BPTF: variants seen among roughly 807,000 people sequenced by gnomAD.
The protein encoded by BPTF is nucleosome-remodeling factor subunit BPTF.
In BPTF, 18 loss-of-function variants were observed where a neutral mutation model predicts 292.5. The observed-to-expected ratio is 0.06, with a 90% CI of 0.04 to 0.09. BPTF has a LOEUF of 0.09. Ranked by LOEUF, BPTF falls within the 10% of genes least tolerant of loss-of-function variation. The pLI is 1.00. For synonymous variants in BPTF, 1,225 were observed against 1,251.9 expected (o/e 0.98, Z 0.45); for missense variants, 2,726 against 3,498.7 (o/e 0.78, Z 5.57).
At chr17:67,880,126 T>C (rs2060304117) in intron 4 of BPTF, among the ~76,000 whole-genome samples, 1 of 152,198 alleles carries the variant, frequency 6.6e-6, no homozygotes, top group Non-Finnish European at 1.5e-5. Flanking sequence ...TTTATATATA[T>C]AGGGTCTATA....
chr17:67,960,660 A>G (rs1365686285), intron 24 of BPTF, among the ~76,000 whole-genome samples: 2 of 152,244 alleles, frequency 1.3e-5, no homozygotes, highest in Non-Finnish European at 2.9e-5. Context: ...GTTAACCACC[A>G]TACTTTTTAC....
intron 21 of BPTF, among the ~76,000 whole-genome samples, chr17:67,947,429 A>G (rs1039134849): frequency 1.3e-5 from 2 of 152,168 alleles, no homozygotes; most frequent in Admixed American, 6.5e-5. Flanking sequence ...CTGTTTGTCA[A>G]ACAAGGTGGT....
rs2058914308 is a variant in BPTF, at chr17:67,859,083, AAATT to A, written c.1436+4325_1436+4328del. On this transcript the variant is annotated intron_variant, in intron 2 of 27. Coordinates refer to ENST00000306378, the MANE Select transcript of BPTF (RefSeq NM_182641.4). ...TGTCCTAAGCATTTTATGTATTTTA[AAATT>A]AATCCTCCCAACAGCCCAATAATGT... 5.9e-5 allele frequency among the ~76,000 whole-genome samples: 9 copies of A among 152,232 alleles called. No individual in the cohort carries two copies. The South Asian group carries it at 1.9e-3, about 32-fold the overall frequency.
intron 4 of BPTF, chr17:67,875,723 G>A (rs780593661): frequency 6.3e-7 from 1 of 1,599,996 alleles, no homozygotes; most frequent in African/African-American, 1.3e-5. Context: ...GGTGGCATCT[G>A]AGCTCCCCCA....
At chr17:67,896,429 G>A (rs909541328) in intron 7 of BPTF, among the ~76,000 whole-genome samples, 4 of 151,470 alleles carry the variant, frequency 2.6e-5, no homozygotes, top group Admixed American at 2.0e-4. Flanking sequence ...TACCTGTTGG[G>A]TACAGTGTTT....
At chr17:67,917,131 C>CTTTTCCTTTCTTTTTTTTTTTTTTT (rs1194058584) in intron 11 of BPTF, among the ~76,000 whole-genome samples, 2 of 105,808 alleles carry the variant, frequency 1.9e-5, no homozygotes, top group Admixed American at 1.1e-4. Flanking sequence ...TGGTATTGTC[C>CTTTTCCTTTCTTTTTTTTTTTTTTT]TTTTTTTTTT....
chr17:67,976,049 G>A, intron 27 of BPTF, 91 bp downstream of exon 27: 1 of 1,013,804 alleles, frequency 9.9e-7, no homozygotes. Flanking sequence ...GCAGTTTATG[G>A]TAAATTTAAC....
intron 9 of BPTF, 84 bp downstream of exon 9, chr17:67,904,924 G>T: frequency 1.7e-6 from 2 of 1,157,584 alleles, no homozygotes; most frequent in South Asian, 2.1e-5. Flanking sequence ...CTATATTTTA[G>T]ATAAAAACAT....
rs60751133 is a variant in BPTF at position 67,832,783 on chromosome 17, CTTTTTTTTTT to C, written c.613+6459_613+6468del. 1.6e-4 allele frequency among the ~76,000 whole-genome samples: 16 copies of C among 101,642 alleles called. No homozygotes were observed. The East Asian group carries it at 5.0e-3, about 32-fold the overall frequency. 66.7% of individuals were successfully genotyped at this position (101,642 alleles called of 152,430 possible). A position where few individuals can be genotyped will look rare whatever the true frequency, so the allele number is the denominator to read the frequency against. On this transcript the variant is annotated intron_variant, in intron 1 of 27. Transcript: ENST00000306378. Reference sequence around the variant, plus strand: ...ACTTTGATTCCCTGTTGATTCGCCTCTTTTTTTTTTTTTTTTTTTTTTGAGGCAGAGTCTC... The same window carrying C: ...ACTTTGATTCCCTGTTGATTCGCCTCTTTTTTTTTTTTGAGGCAGAGTCTC...
chr17:67,969,446 T>C (rs1166530723), intron 26 of BPTF, among the ~76,000 whole-genome samples: 1 of 87,684 alleles, frequency 1.1e-5, no homozygotes, highest in Admixed American at 1.4e-4. Flanking sequence ...AGAAAAACTC[T>C]GTCTCCAAAA....
intron 25 of BPTF, chr17:67,965,138 G>A (rs1394128644): frequency 2.0e-5 from 3 of 150,538 alleles, no homozygotes; most frequent in East Asian, 2.0e-4. Context: ...TCAGGAGTTC[G>A]AGACCAGACT....
intron 1 of BPTF, among the ~76,000 whole-genome samples, chr17:67,851,801 C>A (rs1193733008): frequency 6.6e-6 from 1 of 152,122 alleles, no homozygotes; most frequent in African/African-American, 2.4e-5. Context: ...TGTTTTGCAT[C>A]CTTCCCAACA....
chr17:67,946,733 T>G (rs2065839446), intron 21 of BPTF, among the ~76,000 whole-genome samples: 1 of 152,252 alleles, frequency 6.6e-6, no homozygotes, highest in Non-Finnish European at 1.5e-5. Flanking sequence ...CAGATTAAAC[T>G]CATTTGCATT....
intron 18 of BPTF, among the ~76,000 whole-genome samples, chr17:67,938,609 T>C (rs2065112665): frequency 6.6e-6 from 1 of 152,192 alleles, no homozygotes; most frequent in South Asian, 2.1e-4. Context: ...ACTGGAATAA[T>C]TGGCTTATAG....
intron 7 of BPTF, among the ~76,000 whole-genome samples, chr17:67,902,161 A>G (rs1306006450): frequency 6.6e-6 from 1 of 152,190 alleles, no homozygotes; most frequent in Non-Finnish European, 1.5e-5. Context: ...ATTTGGTGAT[A>G]AAAGGGACCT....
chr17:67,842,187 T>C lies in BPTF; in HGVS notation c.614-11753T>C, dbSNP rs543030392. The stretch of plus-strand genomic sequence containing the variant: ...GATATGTATCTACATATGCTTTCAG[T>C]GTATATCTATATGCATACATTGTAT... On this transcript the variant is annotated intron_variant, in intron 1 of 27. Coordinates refer to ENST00000306378, the MANE Select transcript of BPTF (RefSeq NM_182641.4). 3.7e-4 allele frequency among the ~76,000 whole-genome samples: 57 copies of C among 152,236 alleles called. 1 individual carries two copies. The East Asian group carries it at 0.01, about 27-fold the overall frequency.
intron 1 of BPTF, among the ~76,000 whole-genome samples, chr17:67,844,528 T>C (rs1311315283): frequency 6.6e-6 from 1 of 150,914 alleles, no homozygotes; most frequent in East Asian, 2.0e-4. Flanking sequence ...ATTACAGGCG[T>C]GAGCCACCAC....
intron 4 of BPTF, among the ~76,000 whole-genome samples, chr17:67,886,564 A>C (rs2060770648): frequency 1.3e-5 from 2 of 152,110 alleles, no homozygotes; most frequent in African/African-American, 4.8e-5. Flanking sequence ...CAGGGAAGAA[A>C]GATCCTTTTC....
intron 3 of BPTF, among the ~76,000 whole-genome samples, chr17:67,872,932 A>T (rs1355560036): frequency 1.3e-5 from 2 of 151,254 alleles, no homozygotes; most frequent in Non-Finnish European, 1.5e-5. Context: ...AAAAAGGATT[A>T]AAAAATTAGC....
Sources: allele counts gnomAD v4.1 joint callset (sites outside exome capture counted in the v4.1 genomes callset), GRCh38; gene constraint gnomAD v4.1.1; transcripts MANE v1.5; gene names NCBI Gene and HGNC (gene_info 2026-07-23, HGNC 2026-07-21).